SHROOM3: variants seen among roughly 807,000 people sequenced by gnomAD.
The protein encoded by SHROOM3 is protein Shroom3.
Under a neutral mutation model 138.6 loss-of-function variants are expected in SHROOM3, and 47 were observed. The observed-to-expected ratio is 0.34, with a 90% confidence interval of 0.27 to 0.43. The LOEUF (loss-of-function observed/expected upper bound fraction) is 0.43, where lower values mean the gene tolerates loss of function less well. Among genes scored for constraint, SHROOM3 ranks in the 20% least tolerant of loss-of-function variants. The pLI, the probability that SHROOM3 is intolerant of heterozygous loss-of-function variation, is 1.00. For synonymous variants in SHROOM3, 1,062 were observed against 1,063.3 expected (o/e 1.00, Z 0.02); for missense variants, 2,491 against 2,596.5 (o/e 0.96, Z 0.88).
chr4:76,762,096 T>G (rs1450842309), intron 9 of SHROOM3, among the ~76,000 whole-genome samples: 1 of 152,056 alleles, frequency 6.6e-6, no homozygotes, highest in Non-Finnish European at 1.5e-5. Flanking sequence ...ATCATGGTAT[T>G]AGAATTCAGA....
chr4:76,730,672 A>G, intron 3 of SHROOM3, 132 bp from the exon 4 acceptor site: 1 of 1,090,082 alleles, frequency 9.2e-7, no homozygotes, highest in Non-Finnish European at 1.4e-6. Context: ...TCTTCTTCTC[A>G]GTATTGACTT....
rs765374482 is a variant in SHROOM3, at chr4:76,770,792, G to C, written c.5516G>C (p.Gly1839Ala). 1 of 1,614,172 alleles carries C rather than the reference G, an allele frequency of 6.2e-7. No homozygotes were observed. Among genetic ancestry groups the C allele is most frequent in the South Asian group, 1.1e-5 (1 of 91,078 alleles). Residue 1839 changes from glycine to alanine, a missense_variant, in exon 10 of 11, where the codon GGG (glycine) becomes GCG (alanine). Gly to Ala is a moderately conservative substitution (Grantham distance 60). Around this residue, in one of 4 missense-constraint regions of SHROOM3, gnomAD observed 470 missense variants for 595.0 expected, o/e 0.79. Transcript: ENST00000296043. ...TTTGACAAGTATAGGATGTTCATAG[G>C]GGATTTGGACAAGGTGGTCAACCTG... Reference protein sequence around the residue: ...NEFDKYRMFIGDLDKVVNLLL... With the variant: ...NEFDKYRMFIADLDKVVNLLL...
intron 2 of SHROOM3, among the ~76,000 whole-genome samples, chr4:76,698,513 A>T (rs1719809942): frequency 6.6e-6 from 1 of 152,194 alleles, no homozygotes; most frequent in Non-Finnish European, 1.5e-5. Flanking sequence ...GATAGGAGAC[A>T]GGACCCTGGC....
In SHROOM3 at chr4:76,754,461, C is replaced by T; in HGVS notation, c.3978C>T (p.Ala1326=). The T allele has an allele frequency of 1.2e-6, 2 of 1,614,164 alleles. No homozygotes were observed. The highest frequency in any genetic ancestry group is 1.3e-5 in the African/African-American group (1 of 75,032). The change falls in exon 7 of 11, where the codon GCC becomes GCT. Residue 1326 remains alanine, a synonymous_variant. Transcript: ENST00000296043. ...GAACCCTGGACCATCAGAGGCAAGC[C>T]AGTAGGACACCCTGCCCCAGGCCAC... ...CPGTLDHQRQ[A]SRTPCPRPPL... is the part of the protein sequence containing the mutation.
chr4:76,574,110 A>G (rs1395396189), intron 2 of SHROOM3, among the ~76,000 whole-genome samples: 6 of 152,090 alleles, frequency 3.9e-5, no homozygotes, highest in Non-Finnish European at 8.8e-5. Context: ...TCACAGCTTG[A>G]CTTGCCACCA....
At chr4:76,453,244 T>G (rs1391407768) in intron 1 of SHROOM3, among the ~76,000 whole-genome samples, 1 of 152,120 alleles carries the variant, frequency 6.6e-6, no homozygotes, top group Non-Finnish European at 1.5e-5. Context: ...TGCAAACGCT[T>G]GATATTTTCT....
intron 2 of SHROOM3, among the ~76,000 whole-genome samples, chr4:76,563,889 C>A (rs149483995): frequency 6.6e-6 from 1 of 152,128 alleles, no homozygotes; most frequent in African/African-American, 2.4e-5. Context: ...AAAAAAGGCC[C>A]GATGCTGTGC....
Position 76,710,228 on chromosome 4 carries a change from T to C in SHROOM3, c.396T>C (p.Ser132=). The change falls in exon 3 of 11, where the codon TCT becomes TCC. Residue 132 remains serine (S), a synonymous_variant. Transcript: ENST00000296043. The stretch of plus-strand genomic sequence containing the variant: ...TCGTCAGCCCAGAACACCTCACCTC[T>C]GGCCCCCAGCACAGGAAAGCAGCGT... ...SNFVSPEHLT[S]GPQHRKAAWS... is the part of the protein sequence containing the mutation. 1.2e-6 allele frequency: 2 copies of C among 1,614,122 alleles called. No individual in the cohort carries two copies. Among genetic ancestry groups the C allele is most frequent in the Non-Finnish European group, 8.5e-7 (1 of 1,180,004 alleles).
chr4:76,558,961 C>T (rs1303569632), intron 2 of SHROOM3, among the ~76,000 whole-genome samples: 1 of 152,166 alleles, frequency 6.6e-6, no homozygotes, highest in Non-Finnish European at 1.5e-5. Flanking sequence ...CTCTGGGCCC[C>T]AGGGAATCAT....
chr4:76,584,072 TG>T (rs1734101401), intron 2 of SHROOM3, among the ~76,000 whole-genome samples: 1 of 152,194 alleles, frequency 6.6e-6, no homozygotes, highest in South Asian at 2.1e-4. Flanking sequence ...CCCAGCACTT[TG>T]GGAGGCTGAG....
chr4:76,481,907 A>G (rs1435682444), intron 1 of SHROOM3, among the ~76,000 whole-genome samples: 3 of 152,204 alleles, frequency 2.0e-5, no homozygotes, highest in South Asian at 4.1e-4. Context: ...CAAAAACCAC[A>G]TGATTATTTC....
chr4:76,646,734 T>C (rs1361657386), intron 2 of SHROOM3, among the ~76,000 whole-genome samples: 1 of 152,164 alleles, frequency 6.6e-6, no homozygotes, highest in Non-Finnish European at 1.5e-5. Flanking sequence ...AATCAACCAG[T>C]CATGGAATGG....
chr4:76,636,871 TCTTA>T (rs1380470164), intron 2 of SHROOM3, among the ~76,000 whole-genome samples: 1 of 152,230 alleles, frequency 6.6e-6, no homozygotes, highest in Non-Finnish European at 1.5e-5. Flanking sequence ...TAAATAAATA[TCTTA>T]CTTGTTTTTA....
intron 2 of SHROOM3, among the ~76,000 whole-genome samples, chr4:76,678,395 C>T (rs1391976835): frequency 1.3e-5 from 2 of 152,078 alleles, no homozygotes; most frequent in African/African-American, 4.8e-5. Flanking sequence ...ATTTCAGGAA[C>T]CCCAATTAGT....
intron 2 of SHROOM3, among the ~76,000 whole-genome samples, chr4:76,584,086 G>A (rs775829499): frequency 9.2e-5 from 14 of 152,060 alleles, no homozygotes; most frequent in South Asian, 2.1e-4. Flanking sequence ...AGGCTGAGGC[G>A]GGCAGATCAC....
At chr4:76,745,888 C>T (rs892074000) in intron 5 of SHROOM3, among the ~76,000 whole-genome samples, 1 of 152,066 alleles carries the variant, frequency 6.6e-6, no homozygotes, top group African/African-American at 2.4e-5. Flanking sequence ...GACTGAGGCA[C>T]GAGAATCGCT....
chr4:76,754,167 G>C (rs1404399533), intron 6 of SHROOM3, 144 bp from the exon 7 acceptor site: 2 of 1,043,898 alleles, frequency 1.9e-6, no homozygotes, highest in East Asian at 2.4e-5. Context: ...TGAGCAGCCA[G>C]GGAAGACAGT....
chr4:76,446,741 C>A (rs1021229784), intron 1 of SHROOM3, among the ~76,000 whole-genome samples: 6 of 152,152 alleles, frequency 3.9e-5, no homozygotes, highest in African/African-American at 1.4e-4. Context: ...TCATGCCTCC[C>A]GACATGCTGA....
chr4:76,509,430 C>A (rs1732285483), intron 1 of SHROOM3: 1 of 152,200 alleles, frequency 6.6e-6, no homozygotes, highest in Admixed American at 6.5e-5. Flanking sequence ...AAGAGCAGGA[C>A]AATGCATAGA....
Sources: gnomAD v4.1 joint callset for allele counts (sites outside exome capture counted in the v4.1 genomes callset) on GRCh38, gnomAD v4.1.1 for gene constraint, gnomAD v4.1.1 regional missense constraint, MANE v1.5 for transcripts, NCBI Gene and HGNC (gene_info 2026-07-23, HGNC 2026-07-21) for gene names.